The following ALPK1 variants were observed in gnomAD, a reference collection of about 807,000 sequenced individuals.
The protein encoded by ALPK1 is alpha kinase 1, also known as alpha-protein kinase 1.
Under a neutral mutation model 120.6 loss-of-function variants are expected in ALPK1, and 110 were observed. The observed-to-expected ratio is 0.91, with a 90% CI of 0.78 to 1.07. The LOEUF (loss-of-function observed/expected upper bound fraction) is 1.07, where lower values mean the gene tolerates loss of function less well. Ranked by LOEUF, ALPK1 falls within the 50% of genes least tolerant of loss-of-function variation. The pLI, the probability that ALPK1 is intolerant of heterozygous loss-of-function variation, is 0.00. For synonymous variants in ALPK1, 582 were observed against 560.3 expected (o/e 1.04, Z -0.55); for missense variants, 1,498 against 1,483.9 (o/e 1.01, Z -0.16).
rs531582238 is a variant in ALPK1, at chr4:112,411,002, T to G, written c.277-825T>G. The G allele has an allele frequency of 2.6e-5, 4 of 154,818 alleles. No homozygotes were observed. The South Asian group carries it at 8.1e-4, about 31-fold the overall frequency. The allele number at this position is 154,818 out of a possible 1,614,324, so 9.6% of individuals were successfully genotyped here. ...GAAGAAAACAGCAGAACAATATGTT[T>G]AGTGTGACGTCATTTACGTATGAGA... On this transcript the variant is annotated intron_variant, in intron 4 of 15. Transcript: ENST00000650871.
chr4:112,354,862 T>C (rs1343866625), intron 2 of ALPK1, among the ~76,000 whole-genome samples: 1 of 152,180 alleles, frequency 6.6e-6, no homozygotes, highest in Non-Finnish European at 1.5e-5. Context: ...CACTGTGCTC[T>C]CCTCATTATT....
At chr4:112,437,603 G>A (rs231245) in intron 12 of ALPK1, among the ~76,000 whole-genome samples, 103,858 of 152,058 alleles carry the variant, frequency 0.68, 35,644 homozygotes, top group African/African-American at 0.75. Flanking sequence ...GCACTGGTAT[G>A]GCATCCCTAT....
chr4:112,441,670 T>C lies in ALPK1; in HGVS notation c.*460T>C, dbSNP rs17044718. The C allele has an allele frequency of 0.015, 2,434 of 160,844 alleles. 74 individuals carry two copies. Among genetic ancestry groups the C allele is most frequent in the African/African-American group, 0.055 (2,300 of 41,718 alleles). 10.0% of individuals were successfully genotyped at this position (160,844 alleles called of 1,614,324 possible). A position where few individuals can be genotyped will look rare whatever the true frequency, so the allele number is the denominator to read the frequency against. ...GCATAAAAGTTTATCTGTGCATAAT[T>C]TTATATGTAGTTGAATTCATCAATC... On this transcript the variant is annotated 3_prime_UTR_variant, in exon 16 of 16. Transcript: ENST00000650871.
At chr4:112,379,199 C>G (rs1424885361) in intron 3 of ALPK1, among the ~76,000 whole-genome samples, 1 of 152,272 alleles carries the variant, frequency 6.6e-6, no homozygotes, top group Non-Finnish European at 1.5e-5. Flanking sequence ...AGACTCTGAG[C>G]TCCCAATTGG....
intron 2 of ALPK1, chr4:112,358,739 G>A (rs756266573): frequency 7.5e-6 from 6 of 795,694 alleles, no homozygotes; most frequent in Middle Eastern, 4.6e-4. Flanking sequence ...TCAGCCACTC[G>A]GAGGAGCCCG....
intron 11 of ALPK1, among the ~76,000 whole-genome samples, chr4:112,434,487 C>T (rs1422186482): frequency 6.6e-6 from 1 of 152,236 alleles, no homozygotes; most frequent in East Asian, 1.9e-4. Context: ...GTGTTGCACT[C>T]CTTCCTTAGG....
chr4:112,379,368 G>A (rs564316016), intron 3 of ALPK1, among the ~76,000 whole-genome samples: 194 of 152,372 alleles, frequency 1.3e-3, no homozygotes, highest in African/African-American at 4.5e-3. Context: ...AGGCAGAGGA[G>A]GTTACTGCTG....
At chr4:112,362,213 C>G (rs1730946444) in intron 2 of ALPK1, among the ~76,000 whole-genome samples, 1 of 152,138 alleles carries the variant, frequency 6.6e-6, no homozygotes, top group Non-Finnish European at 1.5e-5. Context: ...ACTAGCTCAC[C>G]AGCAATGGAT....
chr4:112,422,426 A>G (rs1258611595), intron 5 of ALPK1, among the ~76,000 whole-genome samples: 1 of 152,092 alleles, frequency 6.6e-6, no homozygotes. Flanking sequence ...CACTGGTTAC[A>G]TTTTGCTACA....
chr4:112,400,398 T>C (rs1157047736), intron 4 of ALPK1, among the ~76,000 whole-genome samples: 5 of 152,190 alleles, frequency 3.3e-5, no homozygotes, highest in Non-Finnish European at 7.4e-5. Flanking sequence ...TCATTGACTC[T>C]CTTTTCTCAG....
rs539852805 is a variant in ALPK1 at position 112,346,092 on chromosome 4, A to T, written c.-101+30240A>T. On this transcript the variant is annotated intron_variant, in intron 2 of 15. Coordinates refer to ENST00000650871, the MANE Select transcript of ALPK1 (RefSeq NM_025144.4). ...TGATCAGGCTGGTCTCGAACTCCCA[A>T]CCTCAGGTGATCTGCCCACCTGGGC... Among the ~76,000 whole-genome samples the T allele has an allele frequency of 2.0e-5, 3 of 152,260 alleles. No homozygotes were observed. In the South Asian group the frequency reaches 6.2e-4, roughly 32 times the overall value.
intron 2 of ALPK1, among the ~76,000 whole-genome samples, chr4:112,376,564 C>G (rs565543454): frequency 6.6e-6 from 1 of 152,338 alleles, no homozygotes; most frequent in African/African-American, 2.4e-5. Flanking sequence ...GGCTTTCTTG[C>G]TATTTCAAAT....
chr4:112,380,781 T>C (rs1478398229), intron 3 of ALPK1, among the ~76,000 whole-genome samples: 2 of 152,208 alleles, frequency 1.3e-5, no homozygotes, highest in East Asian at 3.8e-4. Context: ...CCCATCATGA[T>C]GTGACTTATA....
chr4:112,439,651 A>G (rs765326346), intron 13 of ALPK1, 35 bp from the exon 14 acceptor site: 27 of 1,563,408 alleles, frequency 1.7e-5, no homozygotes, highest in Non-Finnish European at 1.1e-5. Context: ...GGCCTTTACC[A>G]TTATGCTGTA....
chr4:112,361,380 G>A (rs1200344324), intron 2 of ALPK1, among the ~76,000 whole-genome samples: 2 of 152,230 alleles, frequency 1.3e-5, no homozygotes, highest in African/African-American at 2.4e-5. Context: ...CACAGTGGAA[G>A]TGAGACTGGC....
chr4:112,308,338 A>G (rs1290926349), intron 1 of ALPK1, among the ~76,000 whole-genome samples: 2 of 152,028 alleles, frequency 1.3e-5, no homozygotes, highest in Non-Finnish European at 1.5e-5. Context: ...TATCCTGCAG[A>G]GTGTTTTCCA....
At position 112,431,080 on chromosome 4, in the gene ALPK1, T is replaced by C. The variant is rs538720366; in HGVS notation, c.1533T>C (p.His511=). ...DTVSTTQEKP[H]CQRDTGISSS... ...TGAGTACTACTCAAGAAAAGCCACATTGTCAAAGAGACACAGGAATATCTT... is the reference window on the plus strand; with the variant it reads ...TGAGTACTACTCAAGAAAAGCCACACTGTCAAAGAGACACAGGAATATCTT... Residue 511 remains histidine (H), a synonymous_variant, in exon 11 of 16, where the codon CAT becomes CAC. Transcript: ENST00000650871. 2.5e-6 allele frequency: 4 copies of C among 1,614,206 alleles called. No individual in the cohort carries two copies. In the Admixed American group the frequency reaches 5.0e-5, roughly 20 times the overall value.
In ALPK1 at chr4:112,323,041, A is replaced by C. The variant is rs16997252; in HGVS notation, c.-101+7189A>C. 5.8e-3 allele frequency among the ~76,000 whole-genome samples: 887 copies of C among 152,258 alleles called. 10 individuals are homozygous for C. The highest frequency in any genetic ancestry group is 0.02 in the African/African-American group (846 of 41,546). On this transcript the variant is annotated intron_variant, in intron 2 of 15. Transcript: ENST00000650871. ...AGAACCTGGACTTCCTGCTGACCGCAGTCACTTTCTACAAGGTCCCTCTGT... is the reference window on the plus strand; with the variant it reads ...AGAACCTGGACTTCCTGCTGACCGCCGTCACTTTCTACAAGGTCCCTCTGT...
intron 4 of ALPK1, 40 bp from the exon 5 acceptor site, chr4:112,411,787 G>C: frequency 6.4e-7 from 1 of 1,569,116 alleles, no homozygotes; most frequent in Non-Finnish European, 8.6e-7. Context: ...GCCTGCCAGC[G>C]TTTCCGCCTG....
Sources: gnomAD v4.1 joint callset for allele counts (sites outside exome capture counted in the v4.1 genomes callset) on GRCh38, gnomAD v4.1.1 for gene constraint, MANE v1.5 for transcripts, NCBI Gene and HGNC (gene_info 2026-07-23, HGNC 2026-07-21) for gene names.